The following PM20D2 variants were observed in gnomAD, a reference collection of about 807,000 sequenced individuals.
PM20D2 encodes peptidase M20 domain containing 2.
PM20D2 carries 33 observed loss-of-function variants against 42.9 expected under a neutral mutation model. The ratio of observed to expected loss-of-function variants is 0.77; its 90% confidence interval spans 0.58 to 1.03. The LOEUF (loss-of-function observed/expected upper bound fraction) is 1.03. Ranked by LOEUF, PM20D2 falls within the 50% of genes least tolerant of loss-of-function variation. The pLI is 0.00. For synonymous variants in PM20D2, 250 were observed against 228.2 expected (o/e 1.10, Z -0.86); for missense variants, 548 against 557.0 (o/e 0.98, Z 0.16).
At chr6:89,123,975 T>C in the PM20D2 span, among the ~76,000 whole-genome samples, 1 of 152,024 alleles carries the variant, frequency 6.6e-6, no homozygotes, top group African/African-American at 2.4e-5. Flanking sequence ...AGGTTGAGAC[T>C]GAAGTGAGCT....
At chr6:89,145,668 A>G (rs1022419010), upstream of PM20D2, among the ~76,000 whole-genome samples, 1 of 152,168 alleles carries the variant, frequency 6.6e-6, no homozygotes, top group Non-Finnish European at 1.5e-5. Context: ...ATTGACACTG[A>G]CGGCCTCCTT....
chr6:89,140,924 G>T, the PM20D2 span, among the ~76,000 whole-genome samples: 1 of 152,202 alleles, frequency 6.6e-6, no homozygotes, highest in Non-Finnish European at 1.5e-5. Flanking sequence ...AGAAGCAAGG[G>T]TCTGTCAGGT....
intron 1 of PM20D2, among the ~76,000 whole-genome samples, chr6:89,147,283 C>G (rs1291280687): frequency 1.3e-5 from 2 of 152,152 alleles, no homozygotes; most frequent in Non-Finnish European, 2.9e-5. Context: ...AAGTTTAATC[C>G]TGTTTTACTC....
At chr6:89,155,016 A>G (rs989412837) in intron 4 of PM20D2, 114 bp downstream of exon 4, 4 of 944,900 alleles carry the variant, frequency 4.2e-6, no homozygotes, top group Admixed American at 3.6e-5. Flanking sequence ...TGAATATGCA[A>G]AATGAATTGG....
upstream of PM20D2, chr6:89,146,032 C>T: frequency 1.0e-6 from 1 of 962,382 alleles, no homozygotes; most frequent in Non-Finnish European, 1.4e-6. Context: ...GCTGTGTGGC[C>T]GCGTGCGCGC....
At chr6:89,101,768 A>G in the PM20D2 span, among the ~76,000 whole-genome samples, 1 of 152,178 alleles carries the variant, frequency 6.6e-6, no homozygotes, top group African/African-American at 2.4e-5. Flanking sequence ...CTTTCAAAGG[A>G]GCAACCACAA....
At chr6:89,151,261 C>T (rs1174153773) in intron 2 of PM20D2, among the ~76,000 whole-genome samples, 1 of 140,864 alleles carries the variant, frequency 7.1e-6, no homozygotes, top group African/African-American at 2.7e-5. Context: ...GAGAGAGTCT[C>T]GTTTTGTCAC....
the PM20D2 span, among the ~76,000 whole-genome samples, chr6:89,094,596 T>C: frequency 6.6e-6 from 1 of 152,228 alleles, no homozygotes; most frequent in African/African-American, 2.4e-5. Context: ...TTTTGAATTA[T>C]GTGAACCAAA....
chr6:89,158,124 A>C (rs1016129501), intron 4 of PM20D2, among the ~76,000 whole-genome samples: 1 of 152,318 alleles, frequency 6.6e-6, no homozygotes. Context: ...TATATAGCAT[A>C]AAAGAGAGTC....
chr6:89,138,976 G>T, the PM20D2 span, among the ~76,000 whole-genome samples: 1 of 152,198 alleles, frequency 6.6e-6, no homozygotes, highest in Non-Finnish European at 1.5e-5. Context: ...GGTAGTTTTA[G>T]TGAAGTCAGG....
the PM20D2 span, chr6:89,098,880 T>A: frequency 6.2e-7 from 1 of 1,613,936 alleles, no homozygotes; most frequent in Non-Finnish European, 8.5e-7. Flanking sequence ...CTTGCTGAGG[T>A]AGACCGCCTT....
rs1351942448 is a variant in PM20D2, at chr6:89,164,138, G to T, written c.*1875G>T. The stretch of plus-strand genomic sequence containing the variant: ...CTCAAGAAATTTTCCCTTTTTAATT[G>T]CCTCTATAGCACTCATAAGAGCTAG... On this transcript the variant is annotated 3_prime_UTR_variant, in exon 7 of 7. Coordinates refer to ENST00000275072, the MANE Select transcript of PM20D2 (RefSeq NM_001010853.3). 1 of 151,970 alleles carries T rather than the reference G, an allele frequency of 6.6e-6. No homozygotes were observed. The highest frequency in any genetic ancestry group is 1.5e-5 in the Non-Finnish European group (1 of 67,996). The allele number at this position is 151,970 out of a possible 1,614,324, so 9.4% of individuals were successfully genotyped here. A position where few individuals can be genotyped will look rare whatever the true frequency, so the allele number is the denominator to read the frequency against.
chr6:89,095,067 A>G, the PM20D2 span, among the ~76,000 whole-genome samples: 1 of 152,180 alleles, frequency 6.6e-6, no homozygotes, highest in Non-Finnish European at 1.5e-5. Flanking sequence ...TTCGCTTTAC[A>G]GAGCCTAGAC....
the PM20D2 span, chr6:89,107,122 T>A: frequency 6.4e-7 from 1 of 1,564,370 alleles, no homozygotes; most frequent in Non-Finnish European, 8.8e-7. Flanking sequence ...ATATACAGTA[T>A]ATTCACATGC....
the PM20D2 span, among the ~76,000 whole-genome samples, chr6:89,116,890 C>T: frequency 3.3e-5 from 5 of 152,096 alleles, no homozygotes; most frequent in Non-Finnish European, 5.9e-5. Flanking sequence ...TGTATCTATA[C>T]CTCTCTGGCC....
the PM20D2 span, among the ~76,000 whole-genome samples, chr6:89,102,730 C>T: frequency 4.0e-5 from 6 of 151,802 alleles, no homozygotes; most frequent in Non-Finnish European, 7.4e-5. Context: ...TACAGAATAC[C>T]TTTTTTTACA....
chr6:89,141,031 C>G, the PM20D2 span, among the ~76,000 whole-genome samples: 64 of 152,160 alleles, frequency 4.2e-4, no homozygotes, highest in South Asian at 2.1e-3. Context: ...TAATTCCCCT[C>G]TGGGTATACC....
chr6:89,105,208 G>A, the PM20D2 span: 1 of 1,612,310 alleles, frequency 6.2e-7, no homozygotes, highest in Non-Finnish European at 8.5e-7. Flanking sequence ...TTGATCTCCT[G>A]TGATCACTTG....
At chr6:89,112,492 G>C in the PM20D2 span, among the ~76,000 whole-genome samples, 1 of 148,626 alleles carries the variant, frequency 6.7e-6, no homozygotes, top group Non-Finnish European at 1.5e-5. Flanking sequence ...TGTTGCCCAG[G>C]CTGCAGTGCA....
Sources: gnomAD v4.1 joint callset for allele counts (sites outside exome capture counted in the v4.1 genomes callset) on GRCh38, gnomAD v4.1.1 for gene constraint, MANE v1.5 for transcripts, NCBI Gene and HGNC (gene_info 2026-07-23, HGNC 2026-07-21) for gene names.